Variants in RAPGEF5 observed in about 807,000 individuals in gnomAD.
The protein encoded by RAPGEF5 is Rap guanine nucleotide exchange factor 5.
Under a neutral mutation model 125.2 loss-of-function variants are expected in RAPGEF5, and 65 were observed. The observed-to-expected ratio is 0.52, with a 90% CI of 0.43 to 0.64. RAPGEF5 has a LOEUF of 0.64. Among genes scored for constraint, RAPGEF5 ranks in the 30% least tolerant of loss-of-function variants. RAPGEF5 has a pLI of 0.00. For missense variants in RAPGEF5, 958 were observed against 1,048.1 expected (o/e 0.91, Z 1.19); for synonymous variants, 391 against 385.9 (o/e 1.01, Z -0.16).
At chr7:22,166,082 C>CATATAT (rs201806238) in intron 12 of RAPGEF5, among the ~76,000 whole-genome samples, 2 of 142,186 alleles carry the variant, frequency 1.4e-5, no homozygotes, top group African/African-American at 5.3e-5. Flanking sequence ...ATATATGTAT[C>CATATAT]ATATATATAT....
intron 8 of RAPGEF5, among the ~76,000 whole-genome samples, chr7:22,223,039 G>A (rs1174717465): frequency 1.3e-5 from 2 of 152,152 alleles, no homozygotes; most frequent in African/African-American, 4.8e-5. Flanking sequence ...GAGTTGCTGA[G>A]TTGGAAGTCT....
intron 21 of RAPGEF5, among the ~76,000 whole-genome samples, chr7:22,139,420 C>T (rs1345323821): frequency 6.6e-6 from 1 of 152,140 alleles, no homozygotes; most frequent in East Asian, 1.9e-4. Flanking sequence ...CTGTGTCTGG[C>T]TAAGTTTAGG....
At chr7:22,174,957 G>T (rs1177355556) in intron 11 of RAPGEF5, among the ~76,000 whole-genome samples, 1 of 152,146 alleles carries the variant, frequency 6.6e-6, no homozygotes, top group Non-Finnish European at 1.5e-5. Context: ...TACCTAAAGA[G>T]GATGGCTATG....
chr7:22,248,281 C>G (rs889126717), intron 7 of RAPGEF5, among the ~76,000 whole-genome samples: 2 of 152,078 alleles, frequency 1.3e-5, no homozygotes, highest in African/African-American at 4.8e-5. Flanking sequence ...CAAGGCTAAC[C>G]ACGAAATTAG....
At chr7:22,350,618 T>C (rs1338780550) in intron 1 of RAPGEF5, among the ~76,000 whole-genome samples, 2 of 152,186 alleles carry the variant, frequency 1.3e-5, no homozygotes, top group Non-Finnish European at 2.9e-5. Context: ...AGCACTGGGA[T>C]TCAAACCCAC....
rs537343138 is a variant in RAPGEF5, at chr7:22,138,589, C to T, written c.2277+1436G>A. ...CAGCTGGACCTCGAAGGCCCTGCAG[C>T]TTGAGGCTTCTCATTCGAGTTTTCT... On this transcript the variant is annotated intron_variant, in intron 21 of 25. Coordinates refer to ENST00000665637, the MANE Select transcript of RAPGEF5 (RefSeq NM_012294.5). Among the ~76,000 whole-genome samples, 9 of 152,302 alleles carry T rather than the reference C, an allele frequency of 5.9e-5. No individual in the cohort carries two copies. The East Asian group carries it at 1.7e-3, about 30-fold the overall frequency.
chr7:22,190,290 C>G (rs1784952432), intron 11 of RAPGEF5, among the ~76,000 whole-genome samples: 1 of 152,098 alleles, frequency 6.6e-6, no homozygotes, highest in Non-Finnish European at 1.5e-5. Context: ...GAAATTCACT[C>G]ATTCACTCAT....
chr7:22,119,514 T>G lies in RAPGEF5; in HGVS notation c.*2892A>C, dbSNP rs1238350025. The G allele has an allele frequency of 3.3e-5, 5 of 152,128 alleles. No homozygotes were observed. Among genetic ancestry groups the G allele is most frequent in the African/African-American group, 1.2e-4 (5 of 41,436 alleles). The allele number at this position is 152,128 out of a possible 1,614,324, so 9.4% of individuals were successfully genotyped here. On this transcript the variant is annotated 3_prime_UTR_variant, in exon 26 of 26. Coordinates refer to ENST00000665637, the MANE Select transcript of RAPGEF5 (RefSeq NM_012294.5). The surrounding 1 kb of genome is among the most constrained non-coding windows in gnomAD (Gnocchi z 4.1). ...TGCAAATGTGTATGTAAAACAAAAT[T>G]TTTTTTAATAGCAAGGTTGTGATTT...
At chr7:22,133,116 T>C (rs1322508138) in intron 23 of RAPGEF5, among the ~76,000 whole-genome samples, 2 of 152,182 alleles carry the variant, frequency 1.3e-5, no homozygotes, top group Non-Finnish European at 2.9e-5. Flanking sequence ...CTGCCGGCAA[T>C]CTCTCCTCTT....
intron 7 of RAPGEF5, among the ~76,000 whole-genome samples, chr7:22,257,240 G>A (rs1437982044): frequency 6.6e-6 from 1 of 152,098 alleles, no homozygotes; most frequent in African/African-American, 2.4e-5. Context: ...TTTATTTGAT[G>A]TATATTAGCT....
rs749933275 is a variant in RAPGEF5, at chr7:22,162,483, G to A, written c.1342C>T (p.Arg448Cys). ...EENSDVPRRK[R>C]KVLHLVSQWI... ...TGGGAAACAAGATGCAAGACTTTAC[G>A]TTTCCTACGCGGAACGTCTGAGTTT... Residue 448 changes from arginine (R) to cysteine (C), a missense_variant, in exon 13 of 26, where the codon CGT (arginine) becomes TGT (cysteine). Arg to Cys is a radical substitution (Grantham distance 180). Coordinates refer to ENST00000665637, the MANE Select transcript of RAPGEF5 (RefSeq NM_012294.5). 45 of 1,606,842 alleles carry A rather than the reference G, an allele frequency of 2.8e-5. No individual in the cohort carries two copies. Among genetic ancestry groups the A allele is most frequent in the South Asian group, 1.4e-4 (13 of 90,940 alleles).
intron 11 of RAPGEF5, among the ~76,000 whole-genome samples, chr7:22,191,287 T>A (rs1784988247): frequency 6.6e-6 from 1 of 152,230 alleles, no homozygotes; most frequent in African/African-American, 2.4e-5. Context: ...TTGTGTTTTC[T>A]CCAAGTGCCG....
chr7:22,238,378 T>G (rs886350422), intron 7 of RAPGEF5, among the ~76,000 whole-genome samples: 4 of 152,256 alleles, frequency 2.6e-5, no homozygotes, highest in Admixed American at 6.5e-5. Context: ...GTGTTTATTT[T>G]CTGACACTCA....
intron 4 of RAPGEF5, among the ~76,000 whole-genome samples, chr7:22,309,172 G>T (rs868717854): frequency 5.0e-4 from 76 of 152,318 alleles, no homozygotes; most frequent in African/African-American, 1.6e-3. Context: ...CTAACCAAAA[G>T]CCTGAAACTA....
At chr7:22,123,355 A>G (rs974666987) in intron 25 of RAPGEF5, among the ~76,000 whole-genome samples, 2 of 152,196 alleles carry the variant, frequency 1.3e-5, no homozygotes, top group Non-Finnish European at 2.9e-5. Flanking sequence ...ACACACAAGC[A>G]AACCATTTGA....
chr7:22,309,716 G>C (rs948813169), intron 4 of RAPGEF5, among the ~76,000 whole-genome samples: 1 of 152,168 alleles, frequency 6.6e-6, no homozygotes, highest in Non-Finnish European at 1.5e-5. Context: ...CAGAAGAAAG[G>C]AAGTAGAGGA....
intron 1 of RAPGEF5, among the ~76,000 whole-genome samples, chr7:22,319,169 G>A (rs1009450749): frequency 6.6e-6 from 1 of 152,076 alleles, no homozygotes; most frequent in Non-Finnish European, 1.5e-5. Context: ...AAAGAACAGA[G>A]AAACTAACAT....
chr7:22,294,927 T>C (rs771675074), intron 5 of RAPGEF5, among the ~76,000 whole-genome samples: 12 of 152,368 alleles, frequency 7.9e-5, no homozygotes, highest in Admixed American at 2.0e-4. Flanking sequence ...AACAAAGATA[T>C]CTATTCAAGG....
intron 17 of RAPGEF5, among the ~76,000 whole-genome samples, chr7:22,150,828 C>T (rs538399757): frequency 6.6e-6 from 1 of 152,300 alleles, no homozygotes; most frequent in Non-Finnish European, 1.5e-5. Flanking sequence ...CATGTTAACA[C>T]TGGTTACACT....
Sources: gnomAD v4.1 joint callset for allele counts (sites outside exome capture counted in the v4.1 genomes callset) on GRCh38, gnomAD v4.1.1 for gene constraint, Gnocchi (gnomAD v3.1) non-coding constraint, MANE v1.5 for transcripts, NCBI Gene and HGNC (gene_info 2026-07-23, HGNC 2026-07-21) for gene names.